LRRC57: variants seen among roughly 807,000 people sequenced by gnomAD.
The protein encoded by LRRC57 is leucine rich repeat containing 57.
Under a neutral mutation model 23.1 loss-of-function variants are expected in LRRC57, and 14 were observed. The ratio of observed to expected loss-of-function variants is 0.61; its 90% CI spans 0.40 to 0.95. The LOEUF (loss-of-function observed/expected upper bound fraction) is 0.95. LRRC57 is among the 40% of genes least tolerant of loss of function. LRRC57 has a pLI of 0.00. For missense variants in LRRC57, 236 were observed against 284.4 expected, an observed-to-expected ratio of 0.83 and a Z score of 1.22; for synonymous variants, 106 against 115.2, an observed-to-expected ratio of 0.92 and a Z score of 0.51.
the LRRC57 span, among the ~76,000 whole-genome samples, chr15:42,528,702 C>T: frequency 6.6e-6 from 1 of 152,154 alleles, no homozygotes; most frequent in African/African-American, 2.4e-5. Context: ...TCTCCTGCCT[C>T]AGCCTTCCGA....
At chr15:42,537,231 TCTCACACA>T (rs1200093324), downstream of LRRC57, among the ~76,000 whole-genome samples, 422 of 132,156 alleles carry the variant, frequency 3.2e-3, 1 homozygote, top group African/African-American at 0.014. Context: ...TCTCTCTCTC[TCTCACACA>T]CACACACACA....
At chr15:42,537,579 AC>A (rs1352150595), downstream of LRRC57, among the ~76,000 whole-genome samples, 1 of 152,194 alleles carries the variant, frequency 6.6e-6, no homozygotes, top group Non-Finnish European at 1.5e-5. Context: ...TTAAAGGGAT[AC>A]CTGCACTCCC....
Position 42,544,015 on chromosome 15 carries a change from G to T in LRRC57, c.*68C>A. 1.5e-6 allele frequency: 2 copies of T among 1,351,558 alleles called. No homozygotes were observed. Among genetic ancestry groups the T allele is most frequent in the South Asian group, 2.4e-5 (2 of 82,426 alleles). The allele number at this position is 1,351,558 out of a possible 1,614,324, so 83.7% of individuals were successfully genotyped here. On this transcript the variant is annotated 3_prime_UTR_variant, in exon 6 of 6. Transcript: ENST00000397130. ...ACCCCTAACAACAACAGGAGGCTTT[G>T]ACTCAGCCACATTCCAACAGAGGTT...
downstream of LRRC57, among the ~76,000 whole-genome samples, chr15:42,534,880 G>A (rs2057592544): frequency 6.6e-6 from 1 of 152,196 alleles, no homozygotes. Context: ...GTAAACAGAT[G>A]TGTTATCATC....
chr15:42,548,315 C>T (rs1409329381), intron 2 of LRRC57, 36 bp downstream of exon 2: 2 of 1,614,112 alleles, frequency 1.2e-6, no homozygotes, highest in Non-Finnish European at 1.7e-6. Flanking sequence ...GTCCCTCTCC[C>T]TTTAAGTTCC....
Position 42,548,107 on chromosome 15 carries a change from CAGTT to C in LRRC57, c.218_221del (p.Lys73ArgfsTer11), listed in dbSNP as rs1279957715. ...AAGCCTCCCTGGCGAGAGCCATACTCAGTTTGTTGTTGTTCAGGGAGAGGCTCTT... is the reference window on the plus strand; with the variant it reads ...AAGCCTCCCTGGCGAGAGCCATACTCTGTTGTTGTTCAGGGAGAGGCTCTT... On this transcript the variant is annotated frameshift_variant and splice_region_variant, in exon 3 of 6. Coordinates refer to ENST00000397130, the MANE Select transcript of LRRC57 (RefSeq NM_153260.3). LOFTEE classifies it high-confidence loss of function. 9 of 1,614,078 alleles carry C rather than the reference CAGTT, an allele frequency of 5.6e-6. No individual in the cohort carries two copies. Among genetic ancestry groups the C allele is most frequent in the African/African-American group, 1.3e-5 (1 of 74,932 alleles).
intron 5 of LRRC57, 21 bp from the exon 6 acceptor site, chr15:42,544,145 C>G: frequency 6.3e-7 from 1 of 1,596,070 alleles, no homozygotes; most frequent in Non-Finnish European, 8.6e-7. Context: ...TGAAAGAATA[C>G]ATAAGGGGTA....
the LRRC57 span, chr15:42,531,722 T>C: frequency 1.2e-5 from 4 of 345,810 alleles, no homozygotes; most frequent in Non-Finnish European, 2.1e-5. Flanking sequence ...TCATATGTCA[T>C]GTTTAGTGTT....
downstream of LRRC57, among the ~76,000 whole-genome samples, chr15:42,537,248 C>CACACACACACACACACACACACACACAT (rs898846158): frequency 0.023 from 3,465 of 149,254 alleles, 153 homozygotes; most frequent in African/African-American, 0.083. Context: ...CACACACACA[C>CACACACACACACACACACACACACACAT]ACACACACAC....
At chr15:42,544,155 A>G in intron 5 of LRRC57, 31 bp from the exon 6 acceptor site, 1 of 1,571,956 alleles carries the variant, frequency 6.4e-7, no homozygotes, top group Non-Finnish European at 8.7e-7. Flanking sequence ...CATAAGGGGT[A>G]TTTTGGCATG....
At chr15:42,529,899 G>C in the LRRC57 span, 1 of 1,452,996 alleles carries the variant, frequency 6.9e-7, no homozygotes, top group Admixed American at 2.0e-5. Context: ...TAGATACTGT[G>C]GGGGACACGG....
At position 42,548,764 on chromosome 15, in the gene LRRC57, C is replaced by A. The variant is rs959514135; in HGVS notation, c.-94G>T. 6.3e-6 allele frequency: 5 copies of A among 797,038 alleles called. No individual in the cohort carries two copies. The African/African-American group carries it at 8.6e-5, about 14-fold the overall frequency. The allele number at this position is 797,038 out of a possible 1,614,324, so 49.4% of individuals were successfully genotyped here. ...ACCCGCAGTAGCCGGGATGCGCTCCCCGGCTTAGTCCCGGGCGGGAACGCC... is the reference window on the plus strand; with the variant it reads ...ACCCGCAGTAGCCGGGATGCGCTCCACGGCTTAGTCCCGGGCGGGAACGCC... On this transcript the variant is annotated 5_prime_UTR_variant, in exon 1 of 6. Coordinates refer to ENST00000397130, the MANE Select transcript of LRRC57 (RefSeq NM_153260.3).
intron 4 of LRRC57, among the ~76,000 whole-genome samples, chr15:42,546,247 A>G (rs2057657775): frequency 6.6e-6 from 1 of 152,216 alleles, no homozygotes; most frequent in Non-Finnish European, 1.5e-5. Flanking sequence ...GATCAGAAAC[A>G]CTGAGGGTAG....
At chr15:42,547,625 C>A in intron 3 of LRRC57, 96 bp from the exon 4 acceptor site, 1 of 1,123,752 alleles carries the variant, frequency 8.9e-7, no homozygotes, top group Non-Finnish European at 1.3e-6. Context: ...TGCTTCGCCT[C>A]TTGTTAATAT....
At chr15:42,531,562 G>A in the LRRC57 span, 162 of 1,001,568 alleles carry the variant, frequency 1.6e-4, no homozygotes, top group Admixed American at 2.1e-4. Flanking sequence ...TTAAGTTTTC[G>A]GTTCCACGCT....
At position 42,542,721 on chromosome 15, in the gene LRRC57, T is replaced by C. The variant is rs902253808; in HGVS notation, c.*1362A>G. Reference sequence around the variant, plus strand: ...TTCAAGAAAATCTTGATTATTAAAGTCCCTTTTATCTTACAAGTGTTGCAT... The same window carrying C: ...TTCAAGAAAATCTTGATTATTAAAGCCCCTTTTATCTTACAAGTGTTGCAT... On this transcript the variant is annotated 3_prime_UTR_variant, in exon 6 of 6. Coordinates refer to ENST00000397130, the MANE Select transcript of LRRC57 (RefSeq NM_153260.3). 1 of 152,620 alleles carries C rather than the reference T, an allele frequency of 6.6e-6. No individual in the cohort carries two copies. The highest frequency in any genetic ancestry group is 2.4e-5 in the African/African-American group (1 of 41,452). The allele number at this position is 152,620 out of a possible 1,614,324, so 9.5% of individuals were successfully genotyped here.
intron 5 of LRRC57, among the ~76,000 whole-genome samples, chr15:42,544,841 A>ATATATATATATATATATATAT (rs767685010): frequency 9.4e-6 from 1 of 106,602 alleles, no homozygotes; most frequent in Non-Finnish European, 1.9e-5. Context: ...ACACACACAC[A>ATATATATATATATATATATAT]CTATATATAT....
chr15:42,547,960 T>C, intron 3 of LRRC57, 146 bp downstream of exon 3: 1 of 714,284 alleles, frequency 1.4e-6, no homozygotes, highest in Admixed American at 2.9e-5. Context: ...TTACAAGAAG[T>C]AGAAAGAAGG....
chr15:42,545,151 G>T lies in LRRC57; in HGVS notation c.604C>A (p.Gln202Lys). Residue 202 changes from glutamine to lysine, a missense_variant, in exon 5 of 6, where the codon CAG becomes AAG. Gln to Lys is a moderately conservative substitution (Grantham distance 53). Coordinates refer to ENST00000397130, the MANE Select transcript of LRRC57 (RefSeq NM_153260.3). The part of the protein sequence containing the change: ...MLPQSILSDS[Q>K]ICLLAVEGNL... ...CCTTCCACAGCAAGCAGACAGATCTGGGAATCACTGAGGATGCTCTGGGGA... is the reference window on the plus strand; with the variant it reads ...CCTTCCACAGCAAGCAGACAGATCTTGGAATCACTGAGGATGCTCTGGGGA... 6.2e-7 allele frequency: 1 copy of T among 1,609,700 alleles called. No individual in the cohort carries two copies. The highest frequency in any genetic ancestry group is 8.5e-7 in the Non-Finnish European group (1 of 1,177,994).
Sources: gnomAD v4.1 joint callset for allele counts (sites outside exome capture counted in the v4.1 genomes callset) on GRCh38, gnomAD v4.1.1 for gene constraint, MANE v1.5 for transcripts, NCBI Gene and HGNC (gene_info 2026-07-23, HGNC 2026-07-21) for gene names.